Variants in IL1RAPL1 observed in about 807,000 individuals in gnomAD.
IL1RAPL1 encodes interleukin-1 receptor accessory protein-like 1.
A neutral mutation model predicts 48.4 loss-of-function variants in IL1RAPL1; 3 were observed. That is an observed-to-expected ratio of 0.06 (90% CI 0.03 to 0.16). The LOEUF (loss-of-function observed/expected upper bound fraction) is 0.16, where lower values mean the gene tolerates loss of function less well. Ranked by LOEUF, IL1RAPL1 falls within the 10% of genes least tolerant of loss-of-function variation. The pLI is 1.00. For missense variants in IL1RAPL1, 349 were observed against 530.6 expected (o/e 0.66, Z 3.36); for synonymous variants, 185 against 187.7 (o/e 0.99, Z 0.12).
intron 2 of IL1RAPL1, among the ~76,000 whole-genome samples, chrX:29,121,187 A>G: frequency 8.9e-6 from 1 of 112,054 alleles, no homozygotes; most frequent in Non-Finnish European, 1.9e-5. Flanking sequence ...CAAGACAAGG[A>G]TGACTCCACT....
At chrX:29,659,353 T>A (rs7879179) in intron 5 of IL1RAPL1, among the ~76,000 whole-genome samples, 3,168 of 112,115 alleles carry the variant, frequency 0.028, 112 homozygotes, top group African/African-American at 0.098. Flanking sequence ...TGACTTTCCA[T>A]CTATCTTGCT....
chrX:29,448,613 A>G (rs1185208824), intron 5 of IL1RAPL1, among the ~76,000 whole-genome samples: 2 of 112,251 alleles, frequency 1.8e-5, no homozygotes, highest in Non-Finnish European at 1.9e-5. Flanking sequence ...GAGGAATACA[A>G]AGACTTTTAA....
At chrX:29,630,056 A>T (rs2147078780) in intron 5 of IL1RAPL1, among the ~76,000 whole-genome samples, 1 of 112,398 alleles carries the variant, frequency 8.9e-6, no homozygotes, top group Admixed American at 9.4e-5. Flanking sequence ...TGTAAACAAC[A>T]GAAACTTCTT....
chrX:29,357,472 G>T (rs1933320268), intron 3 of IL1RAPL1, among the ~76,000 whole-genome samples: 1 of 112,107 alleles, frequency 8.9e-6, no homozygotes, highest in Admixed American at 9.5e-5. Context: ...AAAAGAATAT[G>T]AAGACCACTG....
In IL1RAPL1 at chrX:29,083,571, G is replaced by C. The variant is rs181789612; in HGVS notation, c.83-199367G>C. 4.2e-3 allele frequency among the ~76,000 whole-genome samples: 468 copies of C among 111,668 alleles called. 1 individual carries two copies. Among genetic ancestry groups the C allele is most frequent in the Non-Finnish European group, 7.4e-3 (393 of 53,148 alleles). Reference sequence around the variant, plus strand: ...CTCCATGATTATGCAGTAGTGGCCAGTGTGGTGTGGACTTTGAGGACTTGC... The same window carrying C: ...CTCCATGATTATGCAGTAGTGGCCACTGTGGTGTGGACTTTGAGGACTTGC... On this transcript the variant is annotated intron_variant, in intron 2 of 10. Coordinates refer to ENST00000378993, the MANE Select transcript of IL1RAPL1 (RefSeq NM_014271.4).
At position 29,829,155 on chromosome X, in the gene IL1RAPL1, TACACACACACACACAC is replaced by T. The variant is rs57560936; in HGVS notation, c.779-88267_779-88252del. On this transcript the variant is annotated intron_variant, in intron 6 of 10. Transcript: ENST00000378993. ...GAGCCAGGAACCATGGACAAAAACC[TACACACACACACACAC>T]ACACACACACACACACACACACACA... Among the ~76,000 whole-genome samples the T allele has an allele frequency of 6.8e-3, 419 of 61,871 alleles. 4 individuals are homozygous for T. Among genetic ancestry groups the T allele is most frequent in the African/African-American group, 0.02 (347 of 16,977 alleles). The allele number at this position is 61,871 out of a possible 115,157, so 53.7% of individuals were successfully genotyped here. A position where few individuals can be genotyped will look rare whatever the true frequency, so the allele number is the denominator to read the frequency against.
intron 5 of IL1RAPL1, among the ~76,000 whole-genome samples, chrX:29,414,098 C>A (rs890723335): frequency 9.0e-6 from 1 of 110,693 alleles, no homozygotes; most frequent in African/African-American, 3.3e-5. Flanking sequence ...TCCAAAGACC[C>A]ATTTGATCAT....
At chrX:28,658,494 G>A (rs1374844181) in intron 1 of IL1RAPL1, among the ~76,000 whole-genome samples, 1 of 111,091 alleles carries the variant, frequency 9.0e-6, no homozygotes, top group Non-Finnish European at 1.9e-5. Context: ...TGGGATTACA[G>A]GCATGAGCCA....
intron 2 of IL1RAPL1, among the ~76,000 whole-genome samples, chrX:29,124,737 A>C (rs1454076764): frequency 2.7e-5 from 3 of 112,448 alleles, no homozygotes; most frequent in African/African-American, 9.7e-5. Flanking sequence ...TTCCATAAAA[A>C]AGTATAGAGC....
intron 2 of IL1RAPL1, among the ~76,000 whole-genome samples, chrX:29,038,087 T>C (rs757502329): frequency 1.2e-4 from 13 of 111,035 alleles, no homozygotes; most frequent in South Asian, 3.8e-4. Flanking sequence ...AAAAAAATGT[T>C]CACAGGGTCC....
At chrX:29,183,965 A>C in intron 2 of IL1RAPL1, among the ~76,000 whole-genome samples, 1 of 111,727 alleles carries the variant, frequency 9.0e-6, no homozygotes, top group South Asian at 3.7e-4. Context: ...AATTGGTGGG[A>C]TTACAGGAGT....
At chrX:29,717,381 A>G (rs1927513579) in intron 6 of IL1RAPL1, among the ~76,000 whole-genome samples, 2 of 112,193 alleles carry the variant, frequency 1.8e-5, no homozygotes, top group African/African-American at 6.5e-5. Context: ...CGTGTTTTAA[A>G]TTACCTCATG....
intron 2 of IL1RAPL1, among the ~76,000 whole-genome samples, chrX:29,140,420 C>T (rs977485064): frequency 8.9e-6 from 1 of 112,032 alleles, no homozygotes; most frequent in African/African-American, 3.2e-5. Flanking sequence ...CTGTACTCTA[C>T]ATTTAAAATT....
intron 5 of IL1RAPL1, among the ~76,000 whole-genome samples, chrX:29,639,104 T>G (rs1320244610): frequency 1.9e-5 from 2 of 104,571 alleles, no homozygotes; most frequent in African/African-American, 3.6e-5. Flanking sequence ...GAGAATGGCG[T>G]GAACCCAGGA....
intron 2 of IL1RAPL1, among the ~76,000 whole-genome samples, chrX:28,995,953 T>G (rs1925715022): frequency 9.0e-6 from 1 of 111,131 alleles, no homozygotes; most frequent in South Asian, 3.8e-4. Flanking sequence ...AGATATAATT[T>G]ACATACTATA....
At chrX:29,955,036 C>A in intron 10 of IL1RAPL1, 66 bp from the exon 11 acceptor site, 1 of 883,693 alleles carries the variant, frequency 1.1e-6, no homozygotes, top group Non-Finnish European at 1.7e-6. Context: ...GAAAGAGAAT[C>A]TACTAGGACT....
chrX:28,835,988 G>A lies in IL1RAPL1; in HGVS notation c.82+46563G>A, dbSNP rs1044313747. On this transcript the variant is annotated intron_variant, in intron 2 of 10. Coordinates refer to ENST00000378993, the MANE Select transcript of IL1RAPL1 (RefSeq NM_014271.4). The stretch of plus-strand genomic sequence containing the variant: ...TTGAGATGATATTTCCCTATGTTAG[G>A]GAGAAACCATTTGTGTTATATAAAC... Among the ~76,000 whole-genome samples the A allele has an allele frequency of 3.6e-5, 4 of 110,032 alleles. No homozygotes were observed. The Admixed American group carries it at 3.9e-4, about 11-fold the overall frequency.
rs141899783 is a variant in IL1RAPL1, at chrX:29,570,273, T to G, written c.704-98157T>G. 9.3e-3 allele frequency among the ~76,000 whole-genome samples: 1,042 copies of G among 112,595 alleles called. 11 individuals are homozygous for G. Among genetic ancestry groups the G allele is most frequent in the African/African-American group, 0.032 (986 of 31,044 alleles). Reference sequence around the variant, plus strand: ...TACATCTACATATGCTCATGTTCCTTAATTCTAAATTTGCTTCAGAAACAA... The same window carrying G: ...TACATCTACATATGCTCATGTTCCTGAATTCTAAATTTGCTTCAGAAACAA... On this transcript the variant is annotated intron_variant, in intron 5 of 10. Transcript: ENST00000378993.
rs754430839 is a variant in IL1RAPL1, at chrX:29,548,233, A to G, written c.704-120197A>G. ...TTTTAAATGTTTTATTTCTCGTATT[A>G]TGCTGCAGGTTTTATGCTGACAAGG... is the stretch of plus-strand genomic sequence containing the variant. On this transcript the variant is annotated intron_variant, in intron 5 of 10. Transcript: ENST00000378993. Among the ~76,000 whole-genome samples, 68 of 112,640 alleles carry G rather than the reference A, an allele frequency of 6.0e-4. 1 individual carries two copies. The highest frequency in any genetic ancestry group is 1.2e-3 in the Non-Finnish European group (62 of 53,282).
Sources: allele counts gnomAD v4.1 joint callset (sites outside exome capture counted in the v4.1 genomes callset), GRCh38; gene constraint gnomAD v4.1.1; transcripts MANE v1.5; gene names NCBI Gene and HGNC (gene_info 2026-07-23, HGNC 2026-07-21).